Variants in RBFOX1 observed in about 807,000 individuals in gnomAD.
RBFOX1 encodes the protein RNA binding fox-1 homolog 1.
A neutral mutation model predicts 57.7 loss-of-function variants in RBFOX1; 8 were observed. The ratio of observed to expected loss-of-function variants is 0.14; its 90% CI spans 0.08 to 0.25. The LOEUF (loss-of-function observed/expected upper bound fraction) is 0.25, where lower values mean the gene tolerates loss of function less well. RBFOX1 is among the 10% of genes least tolerant of loss of function. The probability of loss-of-function intolerance (pLI) is 1.00; values close to 1 mark genes in which losing one functional copy is unlikely to be tolerated. For synonymous variants in RBFOX1, 326 were observed against 222.4 expected (o/e 1.47, Z -4.15); for missense variants, 611 against 548.5 (o/e 1.11, Z -1.14).
chr16:6,947,444 C>T (rs1177672249), intron 3 of RBFOX1, among the ~76,000 whole-genome samples: 1 of 152,066 alleles, frequency 6.6e-6, no homozygotes, highest in Non-Finnish European at 1.5e-5. Flanking sequence ...TTCAACTGGC[C>T]GTATTTCATC....
chr16:6,362,174 C>T (rs1444940221), intron 2 of RBFOX1, among the ~76,000 whole-genome samples: 2 of 152,022 alleles, frequency 1.3e-5, no homozygotes, highest in Non-Finnish European at 2.9e-5. Flanking sequence ...CCTGCCCACC[C>T]CACGCCCCCC....
At chr16:7,363,749 G>A (rs999008591) in intron 4 of RBFOX1, among the ~76,000 whole-genome samples, 1 of 152,112 alleles carries the variant, frequency 6.6e-6, no homozygotes, top group African/African-American at 2.4e-5. Context: ...AGCATTTAAT[G>A]ATTCTTCTAT....
intron 3 of RBFOX1, among the ~76,000 whole-genome samples, chr16:6,757,547 C>G (rs535809059): frequency 2.0e-5 from 3 of 151,962 alleles, no homozygotes; most frequent in Non-Finnish European, 2.9e-5. Context: ...AAGCTGAGCA[C>G]AGAAAGACAA....
intron 3 of RBFOX1, among the ~76,000 whole-genome samples, chr16:6,932,458 C>T (rs1016094106): frequency 6.6e-6 from 1 of 152,304 alleles, no homozygotes; most frequent in African/African-American, 2.4e-5. Context: ...TTGGCAGTTA[C>T]ATTTCAACCT....
chr16:5,972,458 T>G (rs1313059289), intron 4 of RBFOX1, among the ~76,000 whole-genome samples: 1 of 152,198 alleles, frequency 6.6e-6, no homozygotes, highest in African/African-American at 2.4e-5. Flanking sequence ...AGTCCATCAT[T>G]CACTCCATCA....
At chr16:6,984,842 T>C (rs2089869846) in intron 3 of RBFOX1, among the ~76,000 whole-genome samples, 1 of 152,070 alleles carries the variant, frequency 6.6e-6, no homozygotes, top group South Asian at 2.1e-4. Context: ...GGTTTCACCA[T>C]ATTGGTCAGG....
Position 6,691,553 on chromosome 16 carries a change from C to T in RBFOX1, c.-16+36903C>T, listed in dbSNP as rs930730597. Reference sequence around the variant, plus strand: ...GCAGGTTTCCCGTTATCACATTACACGCGTTATATGTATCATTTGATATCA... The same window carrying T: ...GCAGGTTTCCCGTTATCACATTACATGCGTTATATGTATCATTTGATATCA... On this transcript the variant is annotated intron_variant, in intron 3 of 15. Coordinates refer to ENST00000550418, the MANE Select transcript of RBFOX1 (RefSeq NM_018723.4). Among the ~76,000 whole-genome samples the T allele has an allele frequency of 1.3e-4, 20 of 152,212 alleles. No homozygotes were observed. In the East Asian group the frequency reaches 3.1e-3, roughly 24 times the overall value.
chr16:6,983,955 A>T (rs772887851), intron 3 of RBFOX1, among the ~76,000 whole-genome samples: 3 of 152,162 alleles, frequency 2.0e-5, no homozygotes, highest in African/African-American at 7.2e-5. Flanking sequence ...TAAGTGTAAA[A>T]TCCTGGATCT....
chr16:5,342,035 G>T (rs939151959), intron 1 of RBFOX1, among the ~76,000 whole-genome samples: 1 of 152,136 alleles, frequency 6.6e-6, no homozygotes, highest in African/African-American at 2.4e-5. Context: ...GTCAGTGGTG[G>T]GACAATGCTG....
intron 1 of RBFOX1, among the ~76,000 whole-genome samples, chr16:6,222,677 C>T (rs975695433): frequency 1.7e-5 from 2 of 120,234 alleles, no homozygotes; most frequent in Non-Finnish European, 3.4e-5. Flanking sequence ...TAAGAATTTT[C>T]TTTTCTTTTA....
chr16:5,821,466 C>T (rs1005705724), intron 3 of RBFOX1, among the ~76,000 whole-genome samples: 19 of 151,926 alleles, frequency 1.3e-4, no homozygotes, highest in African/African-American at 3.9e-4. Context: ...CTAAGCCCAG[C>T]TAATTTTTTC....
intron 14 of RBFOX1, among the ~76,000 whole-genome samples, chr16:7,703,407 C>G (rs2081397306): frequency 6.6e-6 from 1 of 152,222 alleles, no homozygotes; most frequent in Admixed American, 6.5e-5. Flanking sequence ...GAGAGCTGAG[C>G]AGATTTCACT....
chr16:7,200,040 G>A (rs1353530583), intron 4 of RBFOX1, among the ~76,000 whole-genome samples: 1 of 152,192 alleles, frequency 6.6e-6, no homozygotes, highest in Non-Finnish European at 1.5e-5. Flanking sequence ...AGATTTCTGG[G>A]AAATTCTAGA....
chr16:5,488,694 G>C (rs2042728198), intron 2 of RBFOX1, among the ~76,000 whole-genome samples: 1 of 149,060 alleles, frequency 6.7e-6, no homozygotes, highest in African/African-American at 2.5e-5. Context: ...CGGTGATGAT[G>C]ATGATGGAAG....
intron 4 of RBFOX1, among the ~76,000 whole-genome samples, chr16:7,499,213 C>G (rs780534044): frequency 3.9e-5 from 6 of 152,170 alleles, no homozygotes; most frequent in Non-Finnish European, 5.9e-5. Flanking sequence ...CCATGCTGCT[C>G]TCCTATCTTC....
At chr16:6,820,608 A>G (rs377719282) in intron 3 of RBFOX1, among the ~76,000 whole-genome samples, 1 of 152,094 alleles carries the variant, frequency 6.6e-6, no homozygotes, top group Admixed American at 6.5e-5. Context: ...GCTGCAAGCC[A>G]TGATCACACT....
intron 3 of RBFOX1, among the ~76,000 whole-genome samples, chr16:5,719,576 C>A (rs2051851685): frequency 6.6e-6 from 1 of 152,032 alleles, no homozygotes; most frequent in Non-Finnish European, 1.5e-5. Flanking sequence ...TTGCTCGCCC[C>A]CACCAGGCCC....
chr16:6,973,999 C>G (rs931232584), intron 3 of RBFOX1, among the ~76,000 whole-genome samples: 49 of 152,126 alleles, frequency 3.2e-4, no homozygotes, highest in African/African-American at 1.2e-3. Context: ...CATTGTTCAG[C>G]TCTCACTTTT....
intron 5 of RBFOX1, among the ~76,000 whole-genome samples, chr16:7,522,483 G>T (rs1488281165): frequency 2.0e-5 from 3 of 152,182 alleles, no homozygotes; most frequent in Non-Finnish European, 2.9e-5. Flanking sequence ...CAATAGTTTT[G>T]CTAGAGTAGT....
Sources: allele counts gnomAD v4.1 joint callset (sites outside exome capture counted in the v4.1 genomes callset), GRCh38; gene constraint gnomAD v4.1.1; transcripts MANE v1.5; gene names NCBI Gene and HGNC (gene_info 2026-07-23, HGNC 2026-07-21).